Variants in EYS observed in about 807,000 individuals in gnomAD.
EYS encodes the protein EGF-like photoreceptor maintenance factor, also known as protein eyes shut homolog.
EYS carries 250 observed loss-of-function variants against 282.1 expected under a neutral mutation model. The ratio of observed to expected loss-of-function variants is 0.89; its 90% CI spans 0.80 to 0.98. The LOEUF (loss-of-function observed/expected upper bound fraction) is 0.98, where lower values mean the gene tolerates loss of function less well. Among genes scored for constraint, EYS ranks in the 50% least tolerant of loss-of-function variants. EYS has a pLI of 0.00. For missense variants in EYS, 4,016 were observed against 3,709.0 expected, an observed-to-expected ratio of 1.08 and a Z score of -2.15; for synonymous variants, 1,355 against 1,282.9, an observed-to-expected ratio of 1.06 and a Z score of -1.20.
At chr6:64,839,255 A>G (rs922040094) in intron 19 of EYS, among the ~76,000 whole-genome samples, 7 of 152,022 alleles carry the variant, frequency 4.6e-5, no homozygotes, top group Admixed American at 2.6e-4. Context: ...GGATACATAA[A>G]TTTCATTAGT....
intron 2 of EYS, among the ~76,000 whole-genome samples, chr6:65,595,734 ACT>A (rs1404174970): frequency 6.6e-6 from 1 of 151,974 alleles, no homozygotes; most frequent in Non-Finnish European, 1.5e-5. Context: ...TTGCGACATC[ACT>A]GTCTTTTCAC....
At chr6:65,498,661 A>G (rs1331485141) in intron 2 of EYS, among the ~76,000 whole-genome samples, 1 of 149,890 alleles carries the variant, frequency 6.7e-6, no homozygotes, top group Non-Finnish European at 1.5e-5. Context: ...GCAGCAAAGG[A>G]AAAAAAACAC....
At chr6:63,931,870 ATTCT>A (rs765341772) in intron 35 of EYS, among the ~76,000 whole-genome samples, 2 of 152,132 alleles carry the variant, frequency 1.3e-5, no homozygotes, top group Admixed American at 6.5e-5. Context: ...GCTAGAACTT[ATTCT>A]TTCTATCTAA....
intron 22 of EYS, among the ~76,000 whole-genome samples, chr6:64,634,435 G>A (rs1767898856): frequency 1.3e-5 from 2 of 151,868 alleles, no homozygotes; most frequent in Non-Finnish European, 2.9e-5. Flanking sequence ...ATTATTCACT[G>A]ATTCTTATTC....
intron 34 of EYS, among the ~76,000 whole-genome samples, chr6:63,993,436 A>G (rs1767694247): frequency 6.6e-6 from 1 of 151,932 alleles, no homozygotes; most frequent in Non-Finnish European, 1.5e-5. Context: ...TCTGACATAC[A>G]TGCACACACA....
chr6:65,062,630 T>G (rs905031975), intron 12 of EYS, among the ~76,000 whole-genome samples: 3 of 151,974 alleles, frequency 2.0e-5, no homozygotes. Flanking sequence ...ATAGTAATCC[T>G]TTCTTGCTCA....
At chr6:63,745,935 T>C (rs1769200271) in intron 41 of EYS, among the ~76,000 whole-genome samples, 1 of 152,190 alleles carries the variant, frequency 6.6e-6, no homozygotes, top group Non-Finnish European at 1.5e-5. Flanking sequence ...GTGTGTACCA[T>C]GTGAGGACAC....
At position 65,543,496 on chromosome 6, in the gene EYS, TA is replaced by T. The variant is rs1185355719; in HGVS notation, c.-332-47504del. Among the ~76,000 whole-genome samples, 4 of 148,722 alleles carry T rather than the reference TA, an allele frequency of 2.7e-5. 1 individual carries two copies. In the East Asian group the frequency reaches 7.8e-4, roughly 29 times the overall value. On this transcript the variant is annotated intron_variant, in intron 2 of 42. Coordinates refer to ENST00000503581, the MANE Select transcript of EYS (RefSeq NM_001142800.2). ...GTGTGTGTATATATCTATATATATA[TA>T]AAATTATATTATAGTCCCAATAGTT...
chr6:64,578,512 C>G (rs79189087), intron 26 of EYS, among the ~76,000 whole-genome samples: 1 of 152,028 alleles, frequency 6.6e-6, no homozygotes, highest in Admixed American at 6.6e-5. Context: ...AGTGTTGTCA[C>G]TCACTCTTCA....
At chr6:64,774,203 GATTA>G (rs1397057305) in intron 22 of EYS, among the ~76,000 whole-genome samples, 1 of 151,900 alleles carries the variant, frequency 6.6e-6, no homozygotes, top group African/African-American at 2.4e-5. Flanking sequence ...GCTTTCCCAG[GATTA>G]ATTTTTGGGG....
chr6:65,489,185 C>T (rs1315908950), intron 5 of EYS, among the ~76,000 whole-genome samples: 1 of 152,146 alleles, frequency 6.6e-6, no homozygotes, highest in African/African-American at 2.4e-5. Context: ...TCAGAGTGAA[C>T]AGGCAACCTA....
intron 12 of EYS, among the ~76,000 whole-genome samples, chr6:65,226,905 G>A (rs1435195552): frequency 6.6e-6 from 1 of 152,032 alleles, no homozygotes; most frequent in Non-Finnish European, 1.5e-5. Context: ...GACAAAATGT[G>A]GCATAACAAA....
chr6:63,868,912 G>A (rs1166675405), intron 35 of EYS, among the ~76,000 whole-genome samples: 2 of 152,178 alleles, frequency 1.3e-5, no homozygotes, highest in African/African-American at 2.4e-5. Context: ...GGACAGAACT[G>A]CCTAAATGGA....
chr6:64,400,319 T>C lies in EYS; in HGVS notation c.5928-11479A>G, dbSNP rs1437236407. The C allele has an allele frequency of 3.9e-5, 6 of 152,168 alleles. No individual in the cohort carries two copies. In the East Asian group the frequency reaches 1.2e-3, roughly 29 times the overall value. 9.4% of individuals were successfully genotyped at this position (152,168 alleles called of 1,614,324 possible). The stretch of plus-strand genomic sequence containing the variant: ...ATGGTTATTCTTGTTTTCAAAGATA[T>C]TATCTTATCTGAAATAAATTACCCA... On this transcript the variant is annotated intron_variant, in intron 28 of 42. Transcript: ENST00000503581.
At chr6:65,034,865 G>A (rs897583185) in intron 13 of EYS, among the ~76,000 whole-genome samples, 8 of 151,874 alleles carry the variant, frequency 5.3e-5, no homozygotes, top group Non-Finnish European at 1.2e-4. Flanking sequence ...CATTCTATGA[G>A]GCCAGCATTA....
intron 31 of EYS, among the ~76,000 whole-genome samples, chr6:64,125,897 A>T (rs939861020): frequency 6.7e-6 from 1 of 150,152 alleles, no homozygotes; most frequent in Non-Finnish European, 1.5e-5. Context: ...TGGTGTATGC[A>T]CATTTGCACT....
intron 12 of EYS, among the ~76,000 whole-genome samples, chr6:65,277,801 C>G (rs1430636994): frequency 2.0e-5 from 3 of 152,120 alleles, no homozygotes; most frequent in Non-Finnish European, 4.4e-5. Flanking sequence ...TTAGGAGATT[C>G]AGACCTAGCT....
intron 36 of EYS, among the ~76,000 whole-genome samples, chr6:63,839,268 G>A (rs1771887900): frequency 6.6e-6 from 1 of 152,074 alleles, no homozygotes; most frequent in African/African-American, 2.4e-5. Flanking sequence ...ATAGTTTTAT[G>A]AGATCAGCTA....
At chr6:65,299,620 CT>C (rs11306770) in intron 11 of EYS, among the ~76,000 whole-genome samples, 78,061 of 151,814 alleles carry the variant, frequency 0.51, 22,502 homozygotes, top group East Asian at 0.91. Context: ...GTAAATATTC[CT>C]ATAATAATGC....
Sources: gnomAD v4.1 joint callset for allele counts (sites outside exome capture counted in the v4.1 genomes callset) on GRCh38, gnomAD v4.1.1 for gene constraint, MANE v1.5 for transcripts, NCBI Gene and HGNC (gene_info 2026-07-23, HGNC 2026-07-21) for gene names.